The following SV2C variants were observed in gnomAD, a reference collection of about 807,000 sequenced individuals.
The protein encoded by SV2C is synaptic vesicle glycoprotein 2C, also known as solute carrier family 22 member B3.
A neutral mutation model predicts 79.7 loss-of-function variants in SV2C; 49 were observed. That is an observed-to-expected ratio of 0.61 (90% confidence interval 0.49 to 0.78). The LOEUF is 0.78. Ranked by LOEUF, SV2C falls within the 30% of genes least tolerant of loss-of-function variation. The pLI is 0.00. For missense variants in SV2C, 833 were observed against 912.9 expected (o/e 0.91, Z 1.13); for synonymous variants, 334 against 333.2 (o/e 1.00, Z -0.03).
the SV2C span, among the ~76,000 whole-genome samples, chr5:76,063,995 T>A: frequency 6.6e-5 from 10 of 152,066 alleles, no homozygotes; most frequent in African/African-American, 1.2e-4. Flanking sequence ...AACGATTTTT[T>A]AAAAAAAGAA....
intron 7 of SV2C, among the ~76,000 whole-genome samples, chr5:76,291,555 G>A (rs899190158): frequency 5.3e-5 from 8 of 152,150 alleles, no homozygotes; most frequent in Non-Finnish European, 1.0e-4. Flanking sequence ...TCTTGGCAGT[G>A]GCAGGGTGCC....
At chr5:76,028,724 A>C in the SV2C span, among the ~76,000 whole-genome samples, 8 of 152,198 alleles carry the variant, frequency 5.3e-5, no homozygotes, top group African/African-American at 1.9e-4. Context: ...CACTGCAGAC[A>C]CTTTAGGATG....
At chr5:75,909,320 T>A in the SV2C span, among the ~76,000 whole-genome samples, 4 of 152,254 alleles carry the variant, frequency 2.6e-5, no homozygotes, top group African/African-American at 7.2e-5. Flanking sequence ...TACTGGCGTC[T>A]TTGTTCCTGC....
chr5:76,243,194 C>T (rs1326175773), intron 4 of SV2C, among the ~76,000 whole-genome samples: 1 of 151,968 alleles, frequency 6.6e-6, no homozygotes, highest in Non-Finnish European at 1.5e-5. Context: ...ACACACAGAG[C>T]TATAATATAC....
intron 4 of SV2C, among the ~76,000 whole-genome samples, chr5:76,263,911 G>T (rs1254219493): frequency 6.6e-6 from 1 of 152,108 alleles, no homozygotes; most frequent in Non-Finnish European, 1.5e-5. Context: ...TCCTGGGGTT[G>T]CTGGTTGCTC....
the SV2C span, among the ~76,000 whole-genome samples, chr5:76,035,325 T>A: frequency 6.6e-6 from 1 of 152,144 alleles, no homozygotes; most frequent in Non-Finnish European, 1.5e-5. Flanking sequence ...CTTCTCTAGT[T>A]CTTTTAATTG....
At chr5:76,240,034 T>C (rs772449437) in intron 4 of SV2C, among the ~76,000 whole-genome samples, 4 of 152,244 alleles carry the variant, frequency 2.6e-5, no homozygotes, top group Non-Finnish European at 5.9e-5. Context: ...TCCTTTCTTA[T>C]GCTTTTTATT....
intron 4 of SV2C, among the ~76,000 whole-genome samples, chr5:76,229,438 G>A (rs1745347299): frequency 6.6e-6 from 1 of 152,212 alleles, no homozygotes; most frequent in Non-Finnish European, 1.5e-5. Flanking sequence ...CCAAGCTGTT[G>A]GCCCTCTTCT....
At chr5:75,892,252 T>C in the SV2C span, among the ~76,000 whole-genome samples, 2 of 152,186 alleles carry the variant, frequency 1.3e-5, no homozygotes, top group East Asian at 1.9e-4. Flanking sequence ...ATTTTTTTAA[T>C]AAATTTTTTT....
At position 76,327,899 on chromosome 5, in the gene SV2C, A is replaced by G. The variant is rs1749057670; in HGVS notation, c.*2352A>G. The G allele has an allele frequency of 6.6e-6, 1 of 152,230 alleles. No homozygotes were observed. Among genetic ancestry groups the G allele is most frequent in the African/African-American group, 2.4e-5 (1 of 41,452 alleles). 9.4% of individuals were successfully genotyped at this position (152,230 alleles called of 1,614,324 possible). ...AAAACCTTACTTCATGAGACCTGCC[A>G]TCCGTGTCCCCTGCAGAAGGACCGT... On this transcript the variant is annotated 3_prime_UTR_variant, in exon 13 of 13. Coordinates refer to ENST00000502798, the MANE Select transcript of SV2C (RefSeq NM_014979.4).
chr5:76,300,654 T>G, intron 10 of SV2C, 75 bp from the exon 11 acceptor site: 1 of 1,477,808 alleles, frequency 6.8e-7, no homozygotes, highest in South Asian at 1.2e-5. Context: ...CCTCTCCGAA[T>G]CCTCCATAGG....
the SV2C span, among the ~76,000 whole-genome samples, chr5:75,954,184 T>C: frequency 1.6e-4 from 24 of 152,038 alleles, no homozygotes; most frequent in Admixed American, 3.9e-4. Flanking sequence ...GCATTCTCTC[T>C]AGAATTTGAG....
At chr5:76,035,602 G>A in the SV2C span, among the ~76,000 whole-genome samples, 13 of 94,126 alleles carry the variant, frequency 1.4e-4, no homozygotes, top group Middle Eastern at 0.01. Context: ...TGATTGCACT[G>A]TGATCTGAGA....
At chr5:76,249,032 G>C (rs958273898) in intron 4 of SV2C, among the ~76,000 whole-genome samples, 3 of 152,132 alleles carry the variant, frequency 2.0e-5, no homozygotes, top group African/African-American at 7.2e-5. Flanking sequence ...GTTGCAACTG[G>C]ACCATTCAGA....
chr5:76,176,416 C>G (rs949467849), intron 2 of SV2C, among the ~76,000 whole-genome samples: 1 of 152,160 alleles, frequency 6.6e-6, no homozygotes, highest in African/African-American at 2.4e-5. Flanking sequence ...GCTCTTTCCT[C>G]TAAGAGCTAA....
At chr5:76,297,849 T>C (rs1747830357) in intron 9 of SV2C, among the ~76,000 whole-genome samples, 1 of 152,152 alleles carries the variant, frequency 6.6e-6, no homozygotes, top group Non-Finnish European at 1.5e-5. Context: ...CTGCCCCTAA[T>C]AAGAGTGGTA....
chr5:75,969,899 C>G, the SV2C span, among the ~76,000 whole-genome samples: 1 of 152,110 alleles, frequency 6.6e-6, no homozygotes, highest in Non-Finnish European at 1.5e-5. Context: ...CACACCTATT[C>G]CAAAATTGAC....
the SV2C span, among the ~76,000 whole-genome samples, chr5:75,938,861 A>C: frequency 6.6e-6 from 1 of 152,188 alleles, no homozygotes; most frequent in East Asian, 1.9e-4. Flanking sequence ...CACTCTTTTA[A>C]TATAAATCAC....
At chr5:75,916,257 T>G in the SV2C span, among the ~76,000 whole-genome samples, 1 of 146,174 alleles carries the variant, frequency 6.8e-6, no homozygotes, top group Non-Finnish European at 1.5e-5. Context: ...CTTGTCCTCT[T>G]TCTCCTCTTC....
Sources: gnomAD v4.1 joint callset for allele counts (sites outside exome capture counted in the v4.1 genomes callset) on GRCh38, gnomAD v4.1.1 for gene constraint, MANE v1.5 for transcripts, NCBI Gene and HGNC (gene_info 2026-07-23, HGNC 2026-07-21) for gene names.